AGTR1: variants seen among roughly 807,000 people sequenced by gnomAD.
AGTR1 encodes angiotensin II receptor type 1.
Under a neutral mutation model 19.4 loss-of-function variants are expected in AGTR1, and 16 were observed. The observed-to-expected ratio is 0.82, with a 90% CI of 0.56 to 1.25. The LOEUF is 1.25. AGTR1 is among the 50% of genes most tolerant of loss of function. The pLI is 0.00. For missense variants in AGTR1, 373 were observed against 431.9 expected (o/e 0.86, Z 1.21); for synonymous variants, 153 against 154.9 (o/e 0.99, Z 0.09).
At chr3:148,701,343 A>G (rs1041420273) in intron 1 of AGTR1, among the ~76,000 whole-genome samples, 1 of 152,246 alleles carries the variant, frequency 6.6e-6, no homozygotes, top group South Asian at 2.1e-4. Flanking sequence ...TTGTATTAAC[A>G]TTAAAATATT....
chr3:148,727,972 G>C (rs1714049729), intron 2 of AGTR1, among the ~76,000 whole-genome samples: 1 of 152,076 alleles, frequency 6.6e-6, no homozygotes, highest in Non-Finnish European at 1.5e-5. Context: ...ATGGTTAGCA[G>C]TATCACTTGT....
intron 2 of AGTR1, among the ~76,000 whole-genome samples, chr3:148,720,362 C>A (rs1713562180): frequency 6.6e-6 from 1 of 151,992 alleles, no homozygotes; most frequent in Non-Finnish European, 1.5e-5. Flanking sequence ...TATTAAAATT[C>A]CATCATCTAA....
In AGTR1 at chr3:148,698,120, G is replaced by A. The variant is rs1712076889; in HGVS notation, c.-139G>A. 6.6e-6 allele frequency: 1 copy of A among 152,220 alleles called. No homozygotes were observed. The allele number at this position is 152,220 out of a possible 1,614,324, so 9.4% of individuals were successfully genotyped here. A position where few individuals can be genotyped will look rare whatever the true frequency, so the allele number is the denominator to read the frequency against. The stretch of plus-strand genomic sequence containing the variant: ...TCGGCGGGACGTGACGCAGCGCCCG[G>A]GGCGCGGGTGAGTCCGCGCGGACCG... On this transcript the variant is annotated 5_prime_UTR_variant, in exon 1 of 3. Coordinates refer to ENST00000349243, the MANE Select transcript of AGTR1 (RefSeq NM_000685.5).
intron 2 of AGTR1, among the ~76,000 whole-genome samples, chr3:148,735,553 G>A (rs1229228801): frequency 6.6e-6 from 1 of 152,062 alleles, no homozygotes; most frequent in African/African-American, 2.4e-5. Context: ...AATTGGGTAG[G>A]GGCTCTTAAC....
Position 148,741,506 on chromosome 3 carries a change from C to T in AGTR1, c.471C>T (p.Gly157=), listed in dbSNP as rs1714884859. 1 of 1,614,016 alleles carries T rather than the reference C, an allele frequency of 6.2e-7. No homozygotes were observed. Among genetic ancestry groups the T allele is most frequent in the Non-Finnish European group, 8.5e-7 (1 of 1,180,046 alleles). Residue 157 remains glycine, a synonymous_variant, in exon 3 of 3, where the codon GGC becomes GGT. Transcript: ENST00000349243. The part of the protein sequence containing the change: ...VTCIIIWLLA[G]LASLPAIIHR... Reference sequence around the variant, plus strand: ...GCATCATCATTTGGCTGCTGGCAGGCTTGGCCAGTTTGCCAGCTATAATCC... The same window carrying T: ...GCATCATCATTTGGCTGCTGGCAGGTTTGGCCAGTTTGCCAGCTATAATCC...
At chr3:148,730,985 C>A (rs1264094532) in intron 2 of AGTR1, among the ~76,000 whole-genome samples, 1 of 152,040 alleles carries the variant, frequency 6.6e-6, no homozygotes, top group Non-Finnish European at 1.5e-5. Context: ...ATACATTATA[C>A]CCTGGGTTTT....
At chr3:148,699,852 G>T (rs1326911665) in intron 1 of AGTR1, among the ~76,000 whole-genome samples, 1 of 151,962 alleles carries the variant, frequency 6.6e-6, no homozygotes, top group African/African-American at 2.4e-5. Context: ...CCATCCTGAG[G>T]CCTTGATTTC....
rs188060094 is a variant in AGTR1, at chr3:148,706,709, G to A, written c.-131-1235G>A. On this transcript the variant is annotated intron_variant, in intron 1 of 2. Transcript: ENST00000349243. ...GCAAAAGCCATGGCTGAGAAAACTC[G>A]TAGAAGAATTACTATGGAAACAATA... Among the ~76,000 whole-genome samples the A allele has an allele frequency of 2.6e-3, 395 of 152,028 alleles. 2 individuals are homozygous for A. The highest frequency in any genetic ancestry group is 8.9e-3 in the African/African-American group (370 of 41,530).
chr3:148,707,191 TGAAAC>T (rs1362351111), intron 1 of AGTR1, among the ~76,000 whole-genome samples: 5 of 151,698 alleles, frequency 3.3e-5, no homozygotes, highest in Non-Finnish European at 7.4e-5. Context: ...GTAAAATAAA[TGAAAC>T]AAAGAAGAAA....
chr3:148,704,263 G>A (rs974456606), intron 1 of AGTR1, among the ~76,000 whole-genome samples: 3 of 151,948 alleles, frequency 2.0e-5, no homozygotes, highest in Non-Finnish European at 4.4e-5. Context: ...CTACTCAGGA[G>A]ACTGAGTTGG....
intron 2 of AGTR1, among the ~76,000 whole-genome samples, chr3:148,715,669 C>T (rs1358434559): frequency 1.3e-5 from 2 of 152,098 alleles, no homozygotes; most frequent in East Asian, 3.9e-4. Flanking sequence ...ATTATTCTTG[C>T]TTATTGTCAC....
chr3:148,723,677 T>G (rs1713773100), intron 2 of AGTR1, among the ~76,000 whole-genome samples: 1 of 152,208 alleles, frequency 6.6e-6, no homozygotes, highest in African/African-American at 2.4e-5. Context: ...CAGGCTGCCA[T>G]TCTGAAAGCT....
chr3:148,734,966 G>A (rs1714490298), intron 2 of AGTR1, among the ~76,000 whole-genome samples: 1 of 152,154 alleles, frequency 6.6e-6, no homozygotes, highest in Admixed American at 6.5e-5. Context: ...AGCAGGCATG[G>A]AAACTGCCCT....
intron 2 of AGTR1, among the ~76,000 whole-genome samples, 190 bp downstream of exon 2, chr3:148,708,217 T>A (rs1712782817): frequency 6.6e-6 from 1 of 152,176 alleles, no homozygotes; most frequent in East Asian, 1.9e-4. Context: ...ATTTATATGG[T>A]TTTAAACATA....
At chr3:148,718,685 G>T (rs1426656396) in intron 2 of AGTR1, among the ~76,000 whole-genome samples, 1 of 152,116 alleles carries the variant, frequency 6.6e-6, no homozygotes, top group Non-Finnish European at 1.5e-5. Flanking sequence ...TATATATTAT[G>T]ACCTAATTAA....
chr3:148,715,937 G>A (rs1298756091), intron 2 of AGTR1, among the ~76,000 whole-genome samples: 1 of 152,006 alleles, frequency 6.6e-6, no homozygotes, highest in Non-Finnish European at 1.5e-5. Flanking sequence ...TTGTGACTTG[G>A]ATAACTTTCA....
At chr3:148,708,227 A>G (rs769387361) in intron 2 of AGTR1, among the ~76,000 whole-genome samples, 200 bp downstream of exon 2, 10 of 152,234 alleles carry the variant, frequency 6.6e-5, no homozygotes, top group Non-Finnish European at 1.5e-4. Context: ...TTTTAAACAT[A>G]AATAACATCA....
At chr3:148,726,880 T>C (rs547187726) in intron 2 of AGTR1, among the ~76,000 whole-genome samples, 1 of 152,180 alleles carries the variant, frequency 6.6e-6, no homozygotes, top group Non-Finnish European at 1.5e-5. Flanking sequence ...ACAGTGGTGT[T>C]TTCATAGTAA....
At position 148,741,584 on chromosome 3, in the gene AGTR1, T is replaced by C. The variant is rs771771783; in HGVS notation, c.549T>C (p.His183=). ...CCAATATTACAGTTTGTGCTTTCCA[T>C]TATGAGTCCCAAAATTCAACCCTCC... ...ENTNITVCAF[H]YESQNSTLPI... is the part of the protein sequence containing the mutation. The change falls in exon 3 of 3, where the codon CAT becomes CAC. Residue 183 remains histidine (H), a synonymous_variant. Coordinates refer to ENST00000349243, the MANE Select transcript of AGTR1 (RefSeq NM_000685.5). 3.0e-5 allele frequency: 49 copies of C among 1,613,984 alleles called. No individual in the cohort carries two copies. Among genetic ancestry groups the C allele is most frequent in the Non-Finnish European group, 3.9e-5 (46 of 1,179,974 alleles).
Sources: gnomAD v4.1 joint callset for allele counts (sites outside exome capture counted in the v4.1 genomes callset) on GRCh38, gnomAD v4.1.1 for gene constraint, MANE v1.5 for transcripts, NCBI Gene and HGNC (gene_info 2026-07-23, HGNC 2026-07-21) for gene names.